The following VPS53 variants were observed in gnomAD, a reference collection of about 807,000 sequenced individuals.
VPS53 encodes the protein vacuolar protein sorting-associated protein 53 homolog.
Under a neutral mutation model 107.0 loss-of-function variants are expected in VPS53, and 70 were observed. That is an observed-to-expected ratio of 0.65 (90% confidence interval 0.54 to 0.80). The LOEUF is 0.80. Ranked by LOEUF, VPS53 falls within the 30% of genes least tolerant of loss-of-function variation. The pLI is 0.00. For missense variants in VPS53, 917 were observed against 1,049.4 expected, an observed-to-expected ratio of 0.87 and a Z score of 1.74; for synonymous variants, 409 against 393.3, an observed-to-expected ratio of 1.04 and a Z score of -0.47.
intron 13 of VPS53, among the ~76,000 whole-genome samples, chr17:568,582 T>C (rs886133391): frequency 6.6e-6 from 1 of 152,184 alleles, no homozygotes; most frequent in Non-Finnish European, 1.5e-5. Flanking sequence ...TCCCACTAAT[T>C]TGCATCCCTT....
At position 697,445 on chromosome 17, in the gene VPS53, C is replaced by G. The variant is rs1464887236; in HGVS notation, c.258G>C (p.Gln86His). ...GCCGTCCATCCTGCCCCACGTTCGT[C>G]TGACCTCTTACAACAGTTCGAATAT... The part of the protein sequence containing the change: ...DDNIRTVVRG[Q>H]TNVGQDGRQA... The change falls in exon 4 of 22, where the codon CAG (glutamine) becomes CAC (histidine). Residue 86 changes from glutamine (Q) to histidine (H), a missense_variant. Gln to His is a conservative substitution (Grantham distance 24, BLOSUM62 0). Coordinates refer to ENST00000437048, the MANE Select transcript of VPS53 (RefSeq NM_001128159.3). The G allele has an allele frequency of 6.2e-7, 1 of 1,614,154 alleles. No individual in the cohort carries two copies. The highest frequency in any genetic ancestry group is 8.5e-7 in the Non-Finnish European group (1 of 1,179,974).
intron 5 of VPS53, chr17:657,636 T>G: frequency 4.9e-6 from 3 of 609,506 alleles, no homozygotes; most frequent in Non-Finnish European, 9.0e-6. Context: ...CCAGGTTCTG[T>G]GATACCTGGA....
intron 4 of VPS53, among the ~76,000 whole-genome samples, chr17:677,538 T>C (rs1972217468): frequency 6.6e-6 from 1 of 152,146 alleles, no homozygotes; most frequent in Non-Finnish European, 1.5e-5. Flanking sequence ...GAAATAGTGG[T>C]AGTGGTGGTT....
chr17:670,771 T>C (rs1424092322), intron 4 of VPS53, among the ~76,000 whole-genome samples: 1 of 152,236 alleles, frequency 6.6e-6, no homozygotes, highest in Non-Finnish European at 1.5e-5. Flanking sequence ...GGAAAGGTTG[T>C]TCATTTTCCG....
intron 5 of VPS53, among the ~76,000 whole-genome samples, chr17:658,701 G>C (rs1321570630): frequency 6.7e-6 from 1 of 149,098 alleles, no homozygotes; most frequent in Non-Finnish European, 1.5e-5. Flanking sequence ...ACTCGGCCGT[G>C]AGTTCGTGGA....
intron 19 of VPS53, among the ~76,000 whole-genome samples, chr17:528,292 A>C (rs921985306): frequency 3.9e-5 from 6 of 152,026 alleles, no homozygotes; most frequent in Non-Finnish European, 7.4e-5. Context: ...CCATTAATCC[A>C]CTTTCTGTTT....
At chr17:544,678 C>T (rs1247111362) in intron 17 of VPS53, among the ~76,000 whole-genome samples, 1 of 152,176 alleles carries the variant, frequency 6.6e-6, no homozygotes, top group African/African-American at 2.4e-5. Flanking sequence ...AATAGCATAG[C>T]CATCTGATGA....
intron 11 of VPS53, chr17:616,467 A>C (rs1969138726): frequency 6.6e-6 from 1 of 152,356 alleles, no homozygotes; most frequent in Admixed American, 6.5e-5. Flanking sequence ...CAAATATGAA[A>C]ACCAAAAAGG....
At chr17:589,401 T>C (rs1967514056) in intron 12 of VPS53, among the ~76,000 whole-genome samples, 1 of 152,136 alleles carries the variant, frequency 6.6e-6, no homozygotes. Context: ...TCTATGGTAA[T>C]AGAATTGAAT....
intron 4 of VPS53, among the ~76,000 whole-genome samples, chr17:695,568 T>A (rs976505242): frequency 2.0e-5 from 3 of 151,884 alleles, no homozygotes; most frequent in Non-Finnish European, 4.4e-5. Flanking sequence ...TTTTTTTTTT[T>A]AAACAGGGTC....
Position 661,901 on chromosome 17 carries a change from G to C in VPS53, c.286-6C>G. On this transcript the variant is annotated splice_polypyrimidine_tract_variant and splice_region_variant and intron_variant, in intron 4 of 21. Transcript: ENST00000437048. ...TTCTGAGCCTCTTCAAGCGCCTAGA[G>C]TAAGGGAAATACATGAAAAACAAAA... is the stretch of plus-strand genomic sequence containing the variant. 1 of 1,551,116 alleles carries C rather than the reference G, an allele frequency of 6.4e-7. No individual in the cohort carries two copies. Among genetic ancestry groups the C allele is most frequent in the East Asian group, 2.4e-5 (1 of 40,918 alleles).
rs965384073 is a variant in VPS53 at position 646,068 on chromosome 17, G to A, written c.608+7223C>T. Among the ~76,000 whole-genome samples the A allele has an allele frequency of 2.4e-5, 3 of 123,770 alleles. 1 individual carries two copies. The highest frequency in any genetic ancestry group is 5.2e-5 in the Non-Finnish European group (3 of 57,204). 81.2% of individuals were successfully genotyped at this position (123,770 alleles called of 152,430 possible). On this transcript the variant is annotated intron_variant, in intron 7 of 21. Transcript: ENST00000437048. Reference sequence around the variant, plus strand: ...ACCGCGTGGCCTCTGCCTGATAAGGGTCTTATCTTTTCTAATTCATACCAC... The same window carrying A: ...ACCGCGTGGCCTCTGCCTGATAAGGATCTTATCTTTTCTAATTCATACCAC...
At chr17:574,831 G>A (rs1016982929) in intron 13 of VPS53, among the ~76,000 whole-genome samples, 5 of 152,204 alleles carry the variant, frequency 3.3e-5, no homozygotes, top group African/African-American at 1.2e-4. Flanking sequence ...AAAAATTTGG[G>A]TTAAGAGAAG....
intron 4 of VPS53, among the ~76,000 whole-genome samples, chr17:680,529 A>G (rs973858955): frequency 1.3e-5 from 2 of 152,222 alleles, no homozygotes; most frequent in East Asian, 3.8e-4. Flanking sequence ...AACAACATGA[A>G]AAAACCCCTA....
At chr17:657,009 C>A in intron 5 of VPS53, 2 of 866,890 alleles carry the variant, frequency 2.3e-6, no homozygotes, top group East Asian at 2.4e-5. Context: ...GGGATCACAC[C>A]AACTCTTCCC....
chr17:538,733 A>G (rs975699154), intron 17 of VPS53: 1 of 152,256 alleles, frequency 6.6e-6, no homozygotes, highest in Non-Finnish European at 1.5e-5. Flanking sequence ...AGTCTTATGC[A>G]AGGTTTCATA....
intron 8 of VPS53, among the ~76,000 whole-genome samples, chr17:628,882 G>A (rs1045579493): frequency 1.3e-5 from 2 of 152,192 alleles, no homozygotes; most frequent in South Asian, 2.1e-4. Context: ...GACGCATCAC[G>A]ACGGGAAGGT....
Position 562,765 on chromosome 17 carries a change from C to A in VPS53, c.1314-20G>T, listed in dbSNP as rs200526370. Reference sequence around the variant, plus strand: ...AGGTTCCTAGGAGGAAAAAAAAAAACCAAAAATGTTATTTTACTTCAAGAA... The same window carrying A: ...AGGTTCCTAGGAGGAAAAAAAAAAAACAAAAATGTTATTTTACTTCAAGAA... On this transcript the variant is annotated intron_variant, in intron 13 of 21. Transcript: ENST00000437048. 6.8e-3 allele frequency: 10,285 copies of A among 1,506,648 alleles called. 40 individuals are homozygous for A. The highest frequency in any genetic ancestry group is 7.9e-3 in the Non-Finnish European group (8,728 of 1,098,578). 93.3% of individuals were successfully genotyped at this position (1,506,648 alleles called of 1,614,324 possible).
In VPS53 at chr17:513,433, T is replaced by C. The variant is rs944221080; in HGVS notation, c.*5695A>G. 2.0e-5 allele frequency: 3 copies of C among 152,250 alleles called. No homozygotes were observed. The highest frequency in any genetic ancestry group is 1.3e-4 in the Admixed American group (2 of 15,290). 9.4% of individuals were successfully genotyped at this position (152,250 alleles called of 1,614,324 possible). On this transcript the variant is annotated 3_prime_UTR_variant, in exon 22 of 22. Transcript: ENST00000437048. Reference sequence around the variant, plus strand: ...AACAGGACTGGGAATTTTTATTTAATATATAAAATGTCATCGTACCCTTCA... The same window carrying C: ...AACAGGACTGGGAATTTTTATTTAACATATAAAATGTCATCGTACCCTTCA...
Sources: allele counts gnomAD v4.1 joint callset (sites outside exome capture counted in the v4.1 genomes callset), GRCh38; gene constraint gnomAD v4.1.1; transcripts MANE v1.5; gene names NCBI Gene and HGNC (gene_info 2026-07-23, HGNC 2026-07-21).